FRMD3: variants seen among roughly 807,000 people sequenced by gnomAD.
The protein encoded by FRMD3 is FERM domain-containing protein 3.
Under a neutral mutation model 70.2 loss-of-function variants are expected in FRMD3, and 33 were observed. The observed-to-expected ratio is 0.47, with a 90% CI of 0.36 to 0.63. The LOEUF is 0.63. Ranked by LOEUF, FRMD3 falls within the 20% of genes least tolerant of loss-of-function variation. The pLI, the probability that FRMD3 is intolerant of heterozygous loss-of-function variation, is 0.00. For missense variants in FRMD3, 632 were observed against 711.4 expected, an observed-to-expected ratio of 0.89 and a Z score of 1.27; for synonymous variants, 279 against 255.9, an observed-to-expected ratio of 1.09 and a Z score of -0.86.
chr9:83,361,382 G>A (rs920762452), intron 3 of FRMD3, among the ~76,000 whole-genome samples: 7 of 152,326 alleles, frequency 4.6e-5, no homozygotes, highest in African/African-American at 1.7e-4. Context: ...ACCCAGTGCT[G>A]GAGATTATGA....
intron 13 of FRMD3, among the ~76,000 whole-genome samples, chr9:83,272,708 C>A (rs544154698): frequency 1.4e-5 from 2 of 146,210 alleles, no homozygotes; most frequent in Non-Finnish European, 3.0e-5. Context: ...CGCCTCTTCC[C>A]GGCCGCCATC....
In FRMD3 at chr9:83,248,119, G is replaced by A. The variant is rs769779001; in HGVS notation, c.1593C>T (p.Leu531=). The change falls in exon 14 of 14, where the codon CTC becomes CTT. Residue 531 remains leucine (L), a synonymous_variant. Coordinates refer to ENST00000304195, the MANE Select transcript of FRMD3 (RefSeq NM_174938.6). ...VNPLVKSFSR[L]LVVGLGLLLF... is the part of the protein sequence containing the mutation. ...GCAGCAGTCCCAGGCCCACCACAAG[G>A]AGCCTGGAAAAACTCTTGACCAGTG... 3.1e-6 allele frequency: 5 copies of A among 1,614,168 alleles called. No homozygotes were observed. The highest frequency in any genetic ancestry group is 4.2e-6 in the Non-Finnish European group (5 of 1,180,034).
the FRMD3 span, among the ~76,000 whole-genome samples, chr9:83,554,547 G>A: frequency 7.2e-5 from 11 of 152,360 alleles, no homozygotes; most frequent in Non-Finnish European, 1.2e-4. Context: ...CTTGTCTGGT[G>A]ACAAGCCATG....
Position 83,462,682 on chromosome 9 carries a change from TA to T in FRMD3, c.148-72975del, listed in dbSNP as rs374424044. On this transcript the variant is annotated intron_variant, in intron 1 of 13. Coordinates refer to ENST00000304195, the MANE Select transcript of FRMD3 (RefSeq NM_174938.6). ...AGGAACACTTGGAGATATCTCTTTC[TA>T]AGAGTTTCACCTTTCACAGAAGAAA... 7.0e-3 allele frequency among the ~76,000 whole-genome samples: 1,061 copies of T among 152,298 alleles called. 12 individuals are homozygous for T. The highest frequency in any genetic ancestry group is 0.024 in the African/African-American group (1,000 of 41,564).
At chr9:83,386,729 A>G (rs1301009828) in intron 2 of FRMD3, among the ~76,000 whole-genome samples, 1 of 152,126 alleles carries the variant, frequency 6.6e-6, no homozygotes, top group Non-Finnish European at 1.5e-5. Flanking sequence ...TCCCACTACT[A>G]TACTTGTCTA....
intron 6 of FRMD3, among the ~76,000 whole-genome samples, chr9:83,318,649 A>G (rs1215141999): frequency 6.6e-6 from 1 of 152,118 alleles, no homozygotes; most frequent in Non-Finnish European, 1.5e-5. Flanking sequence ...GGGTAGATAT[A>G]TATACACAAA....
intron 1 of FRMD3, among the ~76,000 whole-genome samples, chr9:83,513,551 C>T (rs1035421495): frequency 1.6e-4 from 25 of 152,158 alleles, no homozygotes; most frequent in Non-Finnish European, 3.2e-4. Flanking sequence ...CTTCCTTTTG[C>T]TTAATCATTA....
At chr9:83,396,171 G>A (rs1205743139) in intron 1 of FRMD3, among the ~76,000 whole-genome samples, 2 of 152,156 alleles carry the variant, frequency 1.3e-5, no homozygotes, top group African/African-American at 4.8e-5. Flanking sequence ...GTTGGCCTAT[G>A]TGTCCCCATT....
intron 1 of FRMD3, among the ~76,000 whole-genome samples, chr9:83,484,797 T>C (rs1377070309): frequency 6.6e-6 from 1 of 152,220 alleles, no homozygotes; most frequent in African/African-American, 2.4e-5. Flanking sequence ...AGAGAAATGA[T>C]GCCAGCTTAG....
At chr9:83,372,103 G>A (rs1824993197) in intron 3 of FRMD3, among the ~76,000 whole-genome samples, 2 of 152,138 alleles carry the variant, frequency 1.3e-5, no homozygotes, top group African/African-American at 4.8e-5. Flanking sequence ...TCAGAGCCCT[G>A]GGAAAGTGGA....
At position 83,260,277 on chromosome 9, in the gene FRMD3, T is replaced by C. The variant is rs12341014; in HGVS notation, c.1196-11761A>G. On this transcript the variant is annotated intron_variant, in intron 13 of 13. Transcript: ENST00000304195. ...TGAGAAAAATGAGGCATAGGCAAGT[T>C]AAGGTCACAAAATTAGGAAGCAACA... 3.0e-3 allele frequency among the ~76,000 whole-genome samples: 452 copies of C among 152,282 alleles called. 1 individual carries two copies. The highest frequency in any genetic ancestry group is 0.01 in the African/African-American group (429 of 41,562).
At chr9:83,506,661 G>A (rs1259915785) in intron 1 of FRMD3, among the ~76,000 whole-genome samples, 4 of 152,144 alleles carry the variant, frequency 2.6e-5, no homozygotes, top group African/African-American at 9.7e-5. Context: ...CTACACCACT[G>A]TAGACTTTAT....
intron 1 of FRMD3, among the ~76,000 whole-genome samples, chr9:83,510,968 C>T (rs1829325334): frequency 6.6e-6 from 1 of 152,172 alleles, no homozygotes; most frequent in Admixed American, 6.5e-5. Flanking sequence ...TGTGAATATA[C>T]TAACCACCGT....
At chr9:83,313,525 T>C in intron 7 of FRMD3, 135 bp downstream of exon 7, 1 of 690,398 alleles carries the variant, frequency 1.4e-6, no homozygotes, top group Non-Finnish European at 2.6e-6. Context: ...CAGCCCACTG[T>C]TGTCCCTTCC....
intron 3 of FRMD3, among the ~76,000 whole-genome samples, chr9:83,368,432 C>T (rs916979186): frequency 2.6e-5 from 4 of 151,966 alleles, no homozygotes; most frequent in Admixed American, 1.3e-4. Flanking sequence ...CCTGGGTTCA[C>T]GCCATTCTCC....
intron 1 of FRMD3, among the ~76,000 whole-genome samples, chr9:83,536,406 G>A (rs1829893091): frequency 6.6e-6 from 1 of 152,140 alleles, no homozygotes; most frequent in Admixed American, 6.5e-5. Flanking sequence ...CTGAGAGACA[G>A]AGGAGAACTC....
At chr9:83,479,168 A>G (rs1355790922) in intron 1 of FRMD3, among the ~76,000 whole-genome samples, 4 of 152,034 alleles carry the variant, frequency 2.6e-5, no homozygotes, top group Non-Finnish European at 5.9e-5. Context: ...AAGAAAAGCT[A>G]GCCAGTTGCA....
At chr9:83,271,006 G>A (rs751024630) in intron 13 of FRMD3, among the ~76,000 whole-genome samples, 4 of 152,088 alleles carry the variant, frequency 2.6e-5, no homozygotes, top group Non-Finnish European at 5.9e-5. Context: ...GAGTTAACCC[G>A]GCCATGCCTA....
At position 83,247,683 on chromosome 9, in the gene FRMD3, A is replaced by G; in HGVS notation, c.*235T>C. The G allele has an allele frequency of 4.7e-6, 6 of 1,270,526 alleles. No homozygotes were observed. Among genetic ancestry groups the G allele is most frequent in the Non-Finnish European group, 6.1e-6 (6 of 986,358 alleles). 78.7% of individuals were successfully genotyped at this position (1,270,526 alleles called of 1,614,324 possible). A position where few individuals can be genotyped will look rare whatever the true frequency, so the allele number is the denominator to read the frequency against. On this transcript the variant is annotated 3_prime_UTR_variant, in exon 14 of 14. Transcript: ENST00000304195. ...ATGTCTACACTATAATAAAAAATAA[A>G]CATATTTTTGGTTATTTAAAGACCA...
Sources: gnomAD v4.1 joint callset for allele counts (sites outside exome capture counted in the v4.1 genomes callset) on GRCh38, gnomAD v4.1.1 for gene constraint, MANE v1.5 for transcripts, NCBI Gene and HGNC (gene_info 2026-07-23, HGNC 2026-07-21) for gene names.